Variants in ITIH5 observed in about 807,000 individuals in gnomAD.
ITIH5 encodes the protein inter-alpha-trypsin inhibitor heavy chain H5.
A neutral mutation model predicts 77.5 loss-of-function variants in ITIH5; 65 were observed. The observed-to-expected ratio is 0.84, with a 90% CI of 0.69 to 1.03. The LOEUF is 1.03. Among genes scored for constraint, ITIH5 ranks in the 50% least tolerant of loss-of-function variants. The pLI, the probability that ITIH5 is intolerant of heterozygous loss-of-function variation, is 0.00. For synonymous variants in ITIH5, 525 were observed against 494.3 expected (o/e 1.06, Z -0.82); for missense variants, 1,208 against 1,213.1 (o/e 1.00, Z 0.06).
intron 7 of ITIH5, among the ~76,000 whole-genome samples, chr10:7,598,969 T>C (rs1312237461): frequency 6.6e-6 from 1 of 152,226 alleles, no homozygotes; most frequent in African/African-American, 2.4e-5. Flanking sequence ...ATCTTAACCC[T>C]CTGCTTATGT....
chr10:7,638,369 A>G (rs531386048), intron 4 of ITIH5, among the ~76,000 whole-genome samples: 4 of 152,326 alleles, frequency 2.6e-5, no homozygotes, highest in Non-Finnish European at 5.9e-5. Context: ...AAATTCAAGC[A>G]CTGAGCAGAA....
chr10:7,619,537 T>C (rs1456308026), intron 5 of ITIH5: 3 of 313,988 alleles, frequency 9.6e-6, no homozygotes, highest in South Asian at 2.6e-5. Flanking sequence ...AAGAAGTACC[T>C]GAGACTGGGT....
Position 7,654,030 on chromosome 10 carries a change from GC to G in ITIH5, c.135+1600del, listed in dbSNP as rs1201901711. ...AAATTAGCCAAGTGTGGTGGTGCATGCCTGTAATCCCAGCTACTCAGGAGGC... is the reference window on the plus strand; with the variant it reads ...AAATTAGCCAAGTGTGGTGGTGCATGCTGTAATCCCAGCTACTCAGGAGGC... On this transcript the variant is annotated intron_variant, in intron 2 of 13. Coordinates refer to ENST00000397146, the MANE Select transcript of ITIH5 (RefSeq NM_030569.7). Among the ~76,000 whole-genome samples the G allele has an allele frequency of 5.9e-5, 9 of 152,280 alleles. No homozygotes were observed. In the South Asian group the frequency reaches 1.4e-3, roughly 25 times the overall value.
Position 7,617,099 on chromosome 10 carries a change from G to T in ITIH5, c.822+14C>A, listed in dbSNP as rs376760938. On this transcript the variant is annotated intron_variant, in intron 6 of 13. Transcript: ENST00000397146. ...CAACCAACCAACATGAAATAGCAAC[G>T]ACGATCCTATTACCTGGATGTCCCC... The T allele has an allele frequency of 1.3e-6, 2 of 1,503,282 alleles. No homozygotes were observed. 93.1% of individuals were successfully genotyped at this position (1,503,282 alleles called of 1,614,324 possible).
intron 5 of ITIH5, among the ~76,000 whole-genome samples, chr10:7,628,458 G>T (rs1833622721): frequency 6.6e-6 from 1 of 152,178 alleles, no homozygotes; most frequent in Non-Finnish European, 1.5e-5. Flanking sequence ...CCGTGTTGTG[G>T]CCTGTATCCG....
rs780814682 is a variant in ITIH5 at position 7,641,982 on chromosome 10, C to T, written c.244G>A (p.Asp82Asn). Residue 82 changes from aspartate (D) to asparagine (N), a missense_variant, in exon 3 of 14, where the codon GAC becomes AAC. Coordinates refer to ENST00000397146, the MANE Select transcript of ITIH5 (RefSeq NM_030569.7). The stretch of plus-strand genomic sequence containing the variant: ...GGAATCTGCATCTGGAACTCAATGT[C>T]CTGGTCTTCAGAAGCTCTGTTCAGC... ...RMLNRASEDQ[D>N]IEFQMQIPAA... The T allele has an allele frequency of 5.6e-6, 9 of 1,614,000 alleles. No homozygotes were observed. Among genetic ancestry groups the T allele is most frequent in the Non-Finnish European group, 7.6e-6 (9 of 1,180,000 alleles).
At chr10:7,663,908 A>G (rs1467867635) in intron 1 of ITIH5, among the ~76,000 whole-genome samples, 1 of 152,212 alleles carries the variant, frequency 6.6e-6, no homozygotes, top group African/African-American at 2.4e-5. Flanking sequence ...GGGACATTAC[A>G]GATACTCAAT....
At chr10:7,585,849 A>AGG in intron 8 of ITIH5, 52 bp downstream of exon 8, 2 of 1,470,796 alleles carry the variant, frequency 1.4e-6, no homozygotes, top group East Asian at 4.7e-5. Context: ...AACCAAAAAA[A>AGG]AAAACATTAT....
chr10:7,581,511 T>C (rs1247786869), intron 8 of ITIH5, among the ~76,000 whole-genome samples: 1 of 152,052 alleles, frequency 6.6e-6, no homozygotes, highest in South Asian at 2.1e-4. Flanking sequence ...TTAGAATAGA[T>C]ACTTCCATGG....
Position 7,580,051 on chromosome 10 carries a change from G to T in ITIH5, c.1122C>A (p.Asn374Lys). 1 of 1,601,736 alleles carries T rather than the reference G, an allele frequency of 6.2e-7. No homozygotes were observed. The highest frequency in any genetic ancestry group is 8.5e-7 in the Non-Finnish European group (1 of 1,175,900). Residue 374 changes from asparagine to lysine, a missense_variant, in exon 9 of 14, where the codon AAC (asparagine) becomes AAA (lysine). Coordinates refer to ENST00000397146, the MANE Select transcript of ITIH5 (RefSeq NM_030569.7). ...HMSPTGGTDINGALQRAIRLL... is the reference protein window; with the variant it reads ...HMSPTGGTDIKGALQRAIRLL... ...GCCTGATGGCCCTCTGCAGGGCCCC[G>T]TTGATGTCTGTGCCTGCAGGACACC...
At chr10:7,628,890 CGTG>C (rs1833645049) in intron 5 of ITIH5, among the ~76,000 whole-genome samples, 3 of 132,036 alleles carry the variant, frequency 2.3e-5, no homozygotes, top group Non-Finnish European at 3.3e-5. Context: ...AGCGTGTGTC[CGTG>C]TTGTGGCATG....
intron 2 of ITIH5, among the ~76,000 whole-genome samples, chr10:7,650,462 G>A (rs1006738966): frequency 5.9e-5 from 9 of 152,294 alleles, no homozygotes; most frequent in East Asian, 1.9e-4. Context: ...AGGGCCGGGC[G>A]TGGTGGCTCA....
intron 12 of ITIH5, among the ~76,000 whole-genome samples, chr10:7,566,859 A>G (rs867546437): frequency 1.1e-4 from 6 of 54,124 alleles, no homozygotes; most frequent in Admixed American, 2.1e-4. Context: ...AAGAAGAAGA[A>G]GAAGAAGAAG....
intron 2 of ITIH5, among the ~76,000 whole-genome samples, chr10:7,644,887 C>CATATATATATCACAT (rs1182794596): frequency 5.3e-5 from 5 of 93,584 alleles, no homozygotes; most frequent in African/African-American, 1.3e-4. Flanking sequence ...ATATATATCA[C>CATATATATATCACAT]ATATATATAT....
At chr10:7,626,365 C>T (rs1227575887) in intron 5 of ITIH5, among the ~76,000 whole-genome samples, 10 of 152,182 alleles carry the variant, frequency 6.6e-5, no homozygotes, top group Admixed American at 5.2e-4. Context: ...TCAAAACAAA[C>T]AAGATAACAT....
intron 7 of ITIH5, among the ~76,000 whole-genome samples, chr10:7,605,934 T>C (rs1249810637): frequency 1.3e-5 from 2 of 152,236 alleles, no homozygotes; most frequent in Non-Finnish European, 2.9e-5. Context: ...GGCTTTTCTG[T>C]GATTTCCTGG....
At chr10:7,598,726 A>C (rs947422646) in intron 7 of ITIH5, among the ~76,000 whole-genome samples, 2 of 152,218 alleles carry the variant, frequency 1.3e-5, no homozygotes, top group Non-Finnish European at 2.9e-5. Flanking sequence ...TCTTCATAGC[A>C]AGACAAAAAA....
intron 7 of ITIH5, among the ~76,000 whole-genome samples, chr10:7,588,216 TCCA>T (rs893818233): frequency 2.0e-5 from 3 of 152,172 alleles, no homozygotes; most frequent in Admixed American, 6.5e-5. Flanking sequence ...AAACCTCATC[TCCA>T]CTAATAATAC....
At chr10:7,629,206 C>A (rs1287325865) in intron 5 of ITIH5, among the ~76,000 whole-genome samples, 1 of 118,848 alleles carries the variant, frequency 8.4e-6, no homozygotes, top group African/African-American at 2.7e-5. Context: ...CCTGTTGTAG[C>A]GTGTGTCCCT....
Sources: allele counts gnomAD v4.1 joint callset (sites outside exome capture counted in the v4.1 genomes callset), GRCh38; gene constraint gnomAD v4.1.1; transcripts MANE v1.5; gene names NCBI Gene and HGNC (gene_info 2026-07-23, HGNC 2026-07-21).